TMC2: variants seen among roughly 807,000 people sequenced by gnomAD.
TMC2 encodes transmembrane channel-like protein 2.
TMC2 carries 102 observed loss-of-function variants against 105.9 expected under a neutral mutation model. That is an observed-to-expected ratio of 0.96 (90% confidence interval 0.82 to 1.14). The LOEUF (loss-of-function observed/expected upper bound fraction) is 1.14, where lower values mean the gene tolerates loss of function less well. Ranked by LOEUF, TMC2 falls within the 50% of genes most tolerant of loss-of-function variation. TMC2 has a pLI of 0.00. For missense variants in TMC2, 1,093 were observed against 1,134.3 expected, an observed-to-expected ratio of 0.96 and a Z score of 0.52; for synonymous variants, 402 against 422.8, an observed-to-expected ratio of 0.95 and a Z score of 0.60.
rs754606774 is a variant in TMC2 at position 2,641,166 on chromosome 20, G to A, written c.2536G>A (p.Ala846Thr). 2.5e-6 allele frequency: 4 copies of A among 1,613,934 alleles called. No homozygotes were observed. The East Asian group carries it at 8.9e-5, about 36-fold the overall frequency. The change falls in exon 20 of 20, where the codon GCC (alanine) becomes ACC (threonine). Residue 846 changes from alanine to threonine, a missense_variant. Transcript: ENST00000358864. ...TTPPSASQSQ[A>T]MDKKAQGPGT... ...TCCTCCCTCTGCCAGCCAAAGCCAG[G>A]CCATGGACAAGAAGGCGCAGGGCCC...
chr20:2,630,033 CT>C (rs1255331203), intron 17 of TMC2, among the ~76,000 whole-genome samples: 1 of 152,218 alleles, frequency 6.6e-6, no homozygotes. Context: ...TAAGGAACCA[CT>C]TTCAAATATG....
intron 4 of TMC2, among the ~76,000 whole-genome samples, chr20:2,564,165 T>TG (rs1200278676): frequency 1.3e-5 from 2 of 148,348 alleles, no homozygotes; most frequent in African/African-American, 5.0e-5. Flanking sequence ...TTTTTTTTTT[T>TG]TTTGAGATGG....
intron 14 of TMC2, among the ~76,000 whole-genome samples, chr20:2,615,197 C>T (rs1328415843): frequency 1.3e-5 from 2 of 152,080 alleles, no homozygotes; most frequent in Non-Finnish European, 2.9e-5. Flanking sequence ...TGCTGCACAC[C>T]TGTAATCCCA....
intron 5 of TMC2, among the ~76,000 whole-genome samples, chr20:2,577,119 G>C (rs2086152519): frequency 6.6e-6 from 1 of 151,756 alleles, no homozygotes; most frequent in Admixed American, 6.6e-5. Context: ...TGTTGGCCAG[G>C]CTGGTCTTGA....
intron 17 of TMC2, among the ~76,000 whole-genome samples, chr20:2,632,779 T>A (rs564820000): frequency 6.6e-6 from 1 of 151,878 alleles, no homozygotes; most frequent in East Asian, 1.9e-4. Flanking sequence ...TTAGTAGAAA[T>A]GGGGTTTCCC....
rs1306980941 is a variant in TMC2, at chr20:2,602,222, G to A, written c.1334G>A (p.Gly445Glu). 3 of 1,613,556 alleles carry A rather than the reference G, an allele frequency of 1.9e-6. No homozygotes were observed. Among genetic ancestry groups the A allele is most frequent in the Middle Eastern group, 3.3e-4 (2 of 6,060 alleles). The change falls in exon 11 of 20, where the codon GGG (glycine) becomes GAG (glutamate). Residue 445 changes from glycine to glutamate, a missense_variant. Transcript: ENST00000358864. ...ATCATCTGCTGTTTGTGTGGAAGTG[G>A]GTACCTCATTTACTTTGTGGTTAAG... is the stretch of plus-strand genomic sequence containing the variant. ...FLIICCLCGSGYLIYFVVKRS... is the reference protein window; with the variant it reads ...FLIICCLCGSEYLIYFVVKRS...
intron 5 of TMC2, among the ~76,000 whole-genome samples, chr20:2,574,301 A>C (rs1039996142): frequency 2.6e-5 from 4 of 152,170 alleles, no homozygotes; most frequent in African/African-American, 7.2e-5. Context: ...TTTTACATAC[A>C]TTTTCATAAG....
At chr20:2,546,306 A>G (rs1399405553) in intron 2 of TMC2, among the ~76,000 whole-genome samples, 1 of 152,240 alleles carries the variant, frequency 6.6e-6, no homozygotes, top group Non-Finnish European at 1.5e-5. Flanking sequence ...TCATGGGTTA[A>G]TTGTAGCTGG....
rs549889160 is a variant in TMC2, at chr20:2,616,923, G to C, written c.1941-149G>C. ...GTTCTGGCTTGATGATCGATATTCT[G>C]GTTAAATGGGAGGCCCCTTACCTGG... On this transcript the variant is annotated intron_variant, in intron 15 of 19. Coordinates refer to ENST00000358864, the MANE Select transcript of TMC2 (RefSeq NM_080751.3). This position sits in a 1 kb window ranked among gnomAD's most constrained non-coding sequence, Gnocchi z 4.8. 225 of 784,614 alleles carry C rather than the reference G, an allele frequency of 2.9e-4. 1 individual carries two copies. The African/African-American group carries it at 3.5e-3, about 12-fold the overall frequency. The allele number at this position is 784,614 out of a possible 1,614,324, so 48.6% of individuals were successfully genotyped here. A position where few individuals can be genotyped will look rare whatever the true frequency, so the allele number is the denominator to read the frequency against.
chr20:2,537,232 G>T, intron 1 of TMC2, 37 bp from the exon 2 acceptor site: 1 of 1,580,534 alleles, frequency 6.3e-7, no homozygotes. Context: ...GGACTCACCA[G>T]AGGCCAGCCA....
intron 4 of TMC2, among the ~76,000 whole-genome samples, chr20:2,565,837 C>T (rs530628702): frequency 6.6e-6 from 1 of 152,180 alleles, no homozygotes; most frequent in Admixed American, 6.5e-5. Context: ...GTCAAGAGTT[C>T]AAGACCAGCC....
chr20:2,567,329 G>A (rs1299877667), intron 4 of TMC2, among the ~76,000 whole-genome samples: 2 of 152,220 alleles, frequency 1.3e-5, no homozygotes, highest in East Asian at 3.9e-4. Flanking sequence ...AAGTAATCAG[G>A]CAACATTACC....
rs184347079 is a variant in TMC2 at position 2,592,269 on chromosome 20, T to C, written c.835-41T>C. 88 of 1,337,212 alleles carry C rather than the reference T, an allele frequency of 6.6e-5. No individual in the cohort carries two copies. The highest frequency in any genetic ancestry group is 4.7e-4 in the Admixed American group (28 of 58,994). The allele number at this position is 1,337,212 out of a possible 1,614,324, so 82.8% of individuals were successfully genotyped here. ...ATATGAATGTCTCTGTGTGTTTGTA[T>C]TTCCTCCACTCATACTTGTGTCATT... On this transcript the variant is annotated intron_variant, in intron 7 of 19. Transcript: ENST00000358864. This position sits in a 1 kb window ranked among gnomAD's most constrained non-coding sequence, Gnocchi z 4.9.
chr20:2,563,258 T>C (rs897670451), intron 4 of TMC2, among the ~76,000 whole-genome samples: 7 of 152,166 alleles, frequency 4.6e-5, no homozygotes. Flanking sequence ...ACACCAACAC[T>C]GGGCCGACCC....
chr20:2,598,760 T>C lies in TMC2; in HGVS notation c.1224+1462T>C, dbSNP rs1399019728. Among the ~76,000 whole-genome samples the C allele has an allele frequency of 2.6e-5, 4 of 151,984 alleles. No homozygotes were observed. The East Asian group carries it at 5.8e-4, about 22-fold the overall frequency. Reference sequence around the variant, plus strand: ...ATTTTCTAAACAAGAGTTTTTTTCATGTGAAGTGCTGCTGACAAAGTTTCC... The same window carrying C: ...ATTTTCTAAACAAGAGTTTTTTTCACGTGAAGTGCTGCTGACAAAGTTTCC... On this transcript the variant is annotated intron_variant, in intron 10 of 19. Transcript: ENST00000358864.
At chr20:2,595,192 G>A (rs1008777338) in intron 9 of TMC2, among the ~76,000 whole-genome samples, 2 of 152,316 alleles carry the variant, frequency 1.3e-5, no homozygotes, top group Non-Finnish European at 2.9e-5. Context: ...GGCTGAGAAC[G>A]CCAGCCATGC....
intron 4 of TMC2, 42 bp downstream of exon 4, chr20:2,562,052 A>G (rs1028801818): frequency 1.3e-6 from 2 of 1,588,856 alleles, no homozygotes; most frequent in Non-Finnish European, 1.7e-6. Flanking sequence ...CGATGTCCAC[A>G]GCTCCTTCTG....
chr20:2,598,264 G>GTGAA (rs1447362551), intron 10 of TMC2, among the ~76,000 whole-genome samples: 2 of 152,014 alleles, frequency 1.3e-5, no homozygotes, highest in East Asian at 3.9e-4. Flanking sequence ...GGGAGACAGA[G>GTGAA]TGAAAGCTTG....
In TMC2 at chr20:2,613,102, G is replaced by C. The variant is rs920744260; in HGVS notation, c.1744-92G>C. On this transcript the variant is annotated intron_variant, in intron 13 of 19. Coordinates refer to ENST00000358864, the MANE Select transcript of TMC2 (RefSeq NM_080751.3). ...CAGAGACAAAGTCAGGTGGGTGGGG[G>C]AGAGTTTATTAGACTCTCAACAAAC... The C allele has an allele frequency of 2.0e-6, 3 of 1,503,372 alleles. No homozygotes were observed. In the African/African-American group the frequency reaches 4.2e-5, roughly 21 times the overall value. The allele number at this position is 1,503,372 out of a possible 1,614,324, so 93.1% of individuals were successfully genotyped here.
Sources: allele counts gnomAD v4.1 joint callset (sites outside exome capture counted in the v4.1 genomes callset), GRCh38; gene constraint gnomAD v4.1.1; non-coding constraint Gnocchi (gnomAD v3.1); transcripts MANE v1.5; gene names NCBI Gene and HGNC (gene_info 2026-07-23, HGNC 2026-07-21).